Variants in TNFAIP3 observed in about 807,000 individuals in gnomAD.
The protein encoded by TNFAIP3 is TNF alpha induced protein 3.
Under a neutral mutation model 72.4 loss-of-function variants are expected in TNFAIP3, and 9 were observed. That is an observed-to-expected ratio of 0.12 (90% CI 0.07 to 0.22). TNFAIP3 has a LOEUF of 0.22. Ranked by LOEUF, TNFAIP3 falls within the 10% of genes least tolerant of loss-of-function variation. The pLI is 1.00. For synonymous variants in TNFAIP3, 339 were observed against 372.6 expected (o/e 0.91, Z 1.04); for missense variants, 833 against 1,018.7 (o/e 0.82, Z 2.48).
In TNFAIP3 at chr6:137,882,366, G is replaced by C. The variant is rs945355144; in HGVS notation, c.*1047G>C. Reference sequence around the variant, plus strand: ...AAGTGAAGATATTTCTTCAGCTCTGGGGAAAATGCCACAGTGTTCTCCTGA... The same window carrying C: ...AAGTGAAGATATTTCTTCAGCTCTGCGGAAAATGCCACAGTGTTCTCCTGA... On this transcript the variant is annotated 3_prime_UTR_variant, in exon 9 of 9. Transcript: ENST00000612899. 28 of 232,490 alleles carry C rather than the reference G, an allele frequency of 1.2e-4. No homozygotes were observed. Among genetic ancestry groups the C allele is most frequent in the Admixed American group, 5.1e-4 (9 of 17,766 alleles). 14.4% of individuals were successfully genotyped at this position (232,490 alleles called of 1,614,324 possible). A position where few individuals can be genotyped will look rare whatever the true frequency, so the allele number is the denominator to read the frequency against.
At chr6:137,875,357 C>T (rs1183614497) in intron 3 of TNFAIP3, among the ~76,000 whole-genome samples, 6 of 152,188 alleles carry the variant, frequency 3.9e-5, no homozygotes. Context: ...AAGATTAAGA[C>T]ACGTGCCTCA....
rs377038705 is a variant in TNFAIP3 at position 137,881,219 on chromosome 6, C to G, written c.2273C>G (p.Pro758Arg). The G allele has an allele frequency of 2.5e-6, 4 of 1,611,474 alleles. No individual in the cohort carries two copies. The highest frequency in any genetic ancestry group is 1.7e-5 in the Admixed American group (1 of 59,486). ...GGTGAGCCTGCCCCCGAAGACCCCC[C>G]CAAGCAGCGTTGCCGGGCCCCCGCC... ...HRGEPAPEDP[P>R]KQRCRAPACD... Residue 758 changes from proline to arginine, a missense_variant, in exon 9 of 9, where the codon CCC becomes CGC. Coordinates refer to ENST00000612899, the MANE Select transcript of TNFAIP3 (RefSeq NM_001270508.2). The surrounding 1 kb of genome is among the most constrained non-coding windows in gnomAD (Gnocchi z 5.0).
At position 137,871,307 on chromosome 6, in the gene TNFAIP3, A is replaced by C; in HGVS notation, c.80A>C (p.Glu27Ala). 1 of 1,614,176 alleles carries C rather than the reference A, an allele frequency of 6.2e-7. No homozygotes were observed. Among genetic ancestry groups the C allele is most frequent in the Non-Finnish European group, 8.5e-7 (1 of 1,180,030 alleles). ...KAVKIRERTP[E>A]DIFKPTNGII... Reference sequence around the variant, plus strand: ...GTGAAGATACGGGAGAGAACTCCAGAAGACATTTTTAAACCTACTAATGGG... The same window carrying C: ...GTGAAGATACGGGAGAGAACTCCAGCAGACATTTTTAAACCTACTAATGGG... Residue 27 changes from glutamate (E) to alanine (A), a missense_variant, in exon 2 of 9, where the codon GAA (glutamate) becomes GCA (alanine). Glu to Ala is a moderately radical substitution (Grantham distance 107). Around this residue, in one of 2 missense-constraint regions of TNFAIP3, gnomAD observed 246 missense variants for 360.9 expected, o/e 0.68. Coordinates refer to ENST00000612899, the MANE Select transcript of TNFAIP3 (RefSeq NM_001270508.2). This position sits in a 1 kb window ranked among gnomAD's most constrained non-coding sequence, Gnocchi z 4.2.
In TNFAIP3 at chr6:137,867,413, C is replaced by G. The variant is rs1384604095; in HGVS notation, c.-145C>G. 1 of 152,672 alleles carries G rather than the reference C, an allele frequency of 6.5e-6. No homozygotes were observed. Among genetic ancestry groups the G allele is most frequent in the Non-Finnish European group, 1.5e-5 (1 of 68,336 alleles). 9.5% of individuals were successfully genotyped at this position (152,672 alleles called of 1,614,324 possible). A position where few individuals can be genotyped will look rare whatever the true frequency, so the allele number is the denominator to read the frequency against. On this transcript the variant is annotated 5_prime_UTR_variant, in exon 1 of 9. Transcript: ENST00000612899. The surrounding 1 kb of genome is among the most constrained non-coding windows in gnomAD (Gnocchi z 6.0). ...CATGGAGCGTCGCCTCCGCCCGGTC[C>G]CTGCCCCGACCCCCGCCTGCGGCGC... is the stretch of plus-strand genomic sequence containing the variant.
At chr6:137,880,996 T>C (rs1378878718) in intron 8 of TNFAIP3, 39 bp from the exon 9 acceptor site, 2 of 1,548,344 alleles carry the variant, frequency 1.3e-6, no homozygotes, top group Admixed American at 1.9e-5. Context: ...AGCAATAGTT[T>C]CCTGACTTTT....
At chr6:137,876,987 T>G in intron 5 of TNFAIP3, 89 bp from the exon 6 acceptor site, 1 of 1,064,868 alleles carries the variant, frequency 9.4e-7, no homozygotes, top group Admixed American at 2.7e-5. Flanking sequence ...GTAAGTTATA[T>G]CTTTTATACA....
chr6:137,880,910 T>G, intron 8 of TNFAIP3, 125 bp from the exon 9 acceptor site: 1 of 1,023,794 alleles, frequency 9.8e-7, no homozygotes, highest in East Asian at 2.5e-5. Context: ...CCTGTTCCCT[T>G]GCTCAGGCAG....
chr6:137,868,789 T>C (rs1582881524), intron 1 of TNFAIP3, among the ~76,000 whole-genome samples: 1 of 152,182 alleles, frequency 6.6e-6, no homozygotes, highest in African/African-American at 2.4e-5. Flanking sequence ...CGTAGAGTGG[T>C]CCAAGACCTG....
chr6:137,876,105 T>C lies in TNFAIP3; in HGVS notation c.744T>C (p.Ile248=). The change falls in exon 5 of 9, where the codon ATT becomes ATC. Residue 248 remains isoleucine, a synonymous_variant. Transcript: ENST00000612899. ...CCCAGGAATGCTACAGATACCCCAT[T>C]GTTCTCGGCTATGACAGCCATCATT... ...WPAQECYRYP[I]VLGYDSHHFV... 6.2e-7 allele frequency: 1 copy of C among 1,614,184 alleles called. No individual in the cohort carries two copies. The highest frequency in any genetic ancestry group is 8.5e-7 in the Non-Finnish European group (1 of 1,180,018).
At position 137,882,456 on chromosome 6, in the gene TNFAIP3, CTT is replaced by C. The variant is rs950431791; in HGVS notation, c.*1139_*1140del. On this transcript the variant is annotated 3_prime_UTR_variant, in exon 9 of 9. Transcript: ENST00000612899. Reference sequence around the variant, plus strand: ...CTGACCACAGGGAGTAAATTGGCCTCTTTGATACACTTTTGCTTGCCTCCCCA... The same window carrying C: ...CTGACCACAGGGAGTAAATTGGCCTCTGATACACTTTTGCTTGCCTCCCCA... 3.0e-5 allele frequency: 7 copies of C among 232,888 alleles called. No individual in the cohort carries two copies. Among genetic ancestry groups the C allele is most frequent in the Admixed American group, 5.6e-5 (1 of 17,762 alleles). The allele number at this position is 232,888 out of a possible 1,614,324, so 14.4% of individuals were successfully genotyped here.
intron 3 of TNFAIP3, among the ~76,000 whole-genome samples, chr6:137,875,441 A>T (rs1339862699): frequency 6.6e-6 from 1 of 151,474 alleles, no homozygotes; most frequent in East Asian, 1.9e-4. Context: ...CTCATCAGGG[A>T]TTTTTTTTTA....
In TNFAIP3 at chr6:137,871,371, G is replaced by A. The variant is rs1021455130; in HGVS notation, c.144G>A (p.Leu48=). ...HHFKTMHRYT[L]EMFRTCQFCP... is the part of the protein sequence containing the mutation. The stretch of plus-strand genomic sequence containing the variant: ...TTAAAACCATGCACCGATACACACT[G>A]GAAATGTTCAGAACTTGCCAGTTTT... Residue 48 remains leucine (L), a synonymous_variant, in exon 2 of 9, where the codon CTG becomes CTA. Coordinates refer to ENST00000612899, the MANE Select transcript of TNFAIP3 (RefSeq NM_001270508.2). This position sits in a 1 kb window ranked among gnomAD's most constrained non-coding sequence, Gnocchi z 4.2. The A allele has an allele frequency of 6.2e-7, 1 of 1,614,026 alleles. No homozygotes were observed. The highest frequency in any genetic ancestry group is 1.3e-5 in the African/African-American group (1 of 74,900).
At chr6:137,869,053 A>G (rs1479055448) in intron 1 of TNFAIP3, among the ~76,000 whole-genome samples, 1 of 152,192 alleles carries the variant, frequency 6.6e-6, no homozygotes, top group African/African-American at 2.4e-5. Context: ...ATCTCTTTCC[A>G]TCTGATTGTG....
chr6:137,869,877 A>C (rs946303190), intron 1 of TNFAIP3, among the ~76,000 whole-genome samples: 6 of 152,184 alleles, frequency 3.9e-5, no homozygotes, highest in African/African-American at 1.4e-4. Context: ...AAACTTCTTC[A>C]TCTTCTTGGA....
At position 137,881,746 on chromosome 6, in the gene TNFAIP3, C is replaced by G. The variant is rs1009371329; in HGVS notation, c.*427C>G. 1 of 239,446 alleles carries G rather than the reference C, an allele frequency of 4.2e-6. No individual in the cohort carries two copies. Among genetic ancestry groups the G allele is most frequent in the African/African-American group, 2.2e-5 (1 of 45,648 alleles). The allele number at this position is 239,446 out of a possible 1,614,324, so 14.8% of individuals were successfully genotyped here. A position where few individuals can be genotyped will look rare whatever the true frequency, so the allele number is the denominator to read the frequency against. ...CCAGAGCCATTCCACCTCCCCTCCCCCAGCATCTCTCAGAGATGTGAAGCC... is the reference window on the plus strand; with the variant it reads ...CCAGAGCCATTCCACCTCCCCTCCCGCAGCATCTCTCAGAGATGTGAAGCC... On this transcript the variant is annotated 3_prime_UTR_variant, in exon 9 of 9. Transcript: ENST00000612899. This position sits in a 1 kb window ranked among gnomAD's most constrained non-coding sequence, Gnocchi z 5.0.
rs776032970 is a variant in TNFAIP3, at chr6:137,880,263, TG to T, written c.2088+13del. 1 of 1,613,952 alleles carries T rather than the reference TG, an allele frequency of 6.2e-7. No homozygotes were observed. The highest frequency in any genetic ancestry group is 1.3e-5 in the African/African-American group (1 of 75,040). On this transcript the variant is annotated intron_variant, in intron 8 of 8. Coordinates refer to ENST00000612899, the MANE Select transcript of TNFAIP3 (RefSeq NM_001270508.2). ...ACAGAAGAGCAACTGGTGAGACACT[TG>T]GAGGAGCTTTCCCTCCCTCCCGTGT...
chr6:137,873,390 G>A lies in TNFAIP3; in HGVS notation c.296-1455G>A, dbSNP rs185979374. Reference sequence around the variant, plus strand: ...GAAACTTCATGTGAAAAATTCCAGCGTCTATTGGCTGCAGCGATTTCACTT... The same window carrying A: ...GAAACTTCATGTGAAAAATTCCAGCATCTATTGGCTGCAGCGATTTCACTT... On this transcript the variant is annotated intron_variant, in intron 2 of 8. Transcript: ENST00000612899. Among the ~76,000 whole-genome samples, 151 of 152,260 alleles carry A rather than the reference G, an allele frequency of 9.9e-4. 2 individuals carry two copies. Among genetic ancestry groups the A allele is most frequent in the African/African-American group, 3.3e-3 (136 of 41,540 alleles).
In TNFAIP3 at chr6:137,878,547, C is replaced by G. The variant is rs754444866; in HGVS notation, c.1102C>G (p.His368Asp). 1 of 1,614,128 alleles carries G rather than the reference C, an allele frequency of 6.2e-7. No homozygotes were observed. The highest frequency in any genetic ancestry group is 1.3e-5 in the African/African-American group (1 of 74,952). ...ENSEQGRREG[H>D]AQNPMEPSVP... ...CAGCGAGCAGGGGAGGAGAGAGGGG[C>G]ACGCCCAGAATCCCATGGAACCTTC... is the stretch of plus-strand genomic sequence containing the variant. The change falls in exon 7 of 9, where the codon CAC becomes GAC. Residue 368 changes from histidine (H) to aspartate (D), a missense_variant. His to Asp is a moderately conservative substitution (Grantham distance 81). Transcript: ENST00000612899.
rs1392916093 is a variant in TNFAIP3 at position 137,882,064 on chromosome 6, C to T, written c.*745C>T. The T allele has an allele frequency of 4.3e-6, 1 of 231,266 alleles. No homozygotes were observed. Among genetic ancestry groups the T allele is most frequent in the East Asian group, 6.1e-5 (1 of 16,400 alleles). The allele number at this position is 231,266 out of a possible 1,614,324, so 14.3% of individuals were successfully genotyped here. ...CTTTGGGTTATTACTGTCTTTACTT[C>T]TAAAGAAGTTAGCTTGAACTGAGGA... On this transcript the variant is annotated 3_prime_UTR_variant, in exon 9 of 9. Coordinates refer to ENST00000612899, the MANE Select transcript of TNFAIP3 (RefSeq NM_001270508.2).
Sources: gnomAD v4.1 joint callset for allele counts (sites outside exome capture counted in the v4.1 genomes callset) on GRCh38, gnomAD v4.1.1 for gene constraint, gnomAD v4.1.1 regional missense constraint, Gnocchi (gnomAD v3.1) non-coding constraint, MANE v1.5 for transcripts, NCBI Gene and HGNC (gene_info 2026-07-23, HGNC 2026-07-21) for gene names.